SORCS1: variants seen among roughly 807,000 people sequenced by gnomAD.
SORCS1 encodes the protein sortilin related VPS10 domain containing receptor 1, also known as VPS10 domain-containing receptor SorCS1.
A neutral mutation model predicts 146.1 loss-of-function variants in SORCS1; 60 were observed. The ratio of observed to expected loss-of-function variants is 0.41; its 90% CI spans 0.33 to 0.51. The LOEUF (loss-of-function observed/expected upper bound fraction) is 0.51, where lower values mean the gene tolerates loss of function less well. Among genes scored for constraint, SORCS1 ranks in the 20% least tolerant of loss-of-function variants. The pLI, the probability that SORCS1 is intolerant of heterozygous loss-of-function variation, is 0.21. For missense variants in SORCS1, 1,352 were observed against 1,487.6 expected (o/e 0.91, Z 1.50); for synonymous variants, 637 against 584.0 (o/e 1.09, Z -1.31).
intron 1 of SORCS1, among the ~76,000 whole-genome samples, chr10:107,090,403 AAG>A (rs1964101195): frequency 6.6e-6 from 1 of 152,184 alleles, no homozygotes; most frequent in African/African-American, 2.4e-5. Context: ...TCCCTGTAGA[AAG>A]AGAGCACAGA....
Position 107,112,783 on chromosome 10 carries a change from C to CA in SORCS1, c.558+51185dup, listed in dbSNP as rs374147451. 1.5e-3 allele frequency among the ~76,000 whole-genome samples: 222 copies of CA among 152,012 alleles called. 2 individuals carry two copies. Among genetic ancestry groups the CA allele is most frequent in the African/African-American group, 5.1e-3 (211 of 41,480 alleles). On this transcript the variant is annotated intron_variant, in intron 1 of 25. Transcript: ENST00000263054. ...TTCAGTCAAAATCTGTTAGAAGAGA[C>CA]AAAAAAGGTAGCTACATGATGATAA...
At chr10:107,016,497 T>G (rs922731307) in intron 1 of SORCS1, among the ~76,000 whole-genome samples, 1 of 151,634 alleles carries the variant, frequency 6.6e-6, no homozygotes, top group African/African-American at 2.4e-5. Context: ...AGAACAAGAC[T>G]CTGTCTCAAA....
chr10:106,934,115 A>G (rs948319363), intron 2 of SORCS1, among the ~76,000 whole-genome samples: 11 of 151,778 alleles, frequency 7.2e-5, no homozygotes, highest in African/African-American at 1.7e-4. Flanking sequence ...AAAAAAAAAA[A>G]AAAGAAAGAA....
chr10:106,868,185 A>G (rs965433484), intron 2 of SORCS1, among the ~76,000 whole-genome samples: 1 of 152,226 alleles, frequency 6.6e-6, no homozygotes, highest in Non-Finnish European at 1.5e-5. Context: ...ACACAGGAGT[A>G]CCCAGATTTA....
At chr10:106,672,826 T>G (rs114682214) in intron 15 of SORCS1, 42 bp downstream of exon 15, 1 of 1,556,122 alleles carries the variant, frequency 6.4e-7, no homozygotes, top group Admixed American at 1.7e-5. Context: ...ACACCACTCA[T>G]GCTTCCTGCC....
At chr10:107,005,638 C>A (rs895965915) in intron 1 of SORCS1, among the ~76,000 whole-genome samples, 1 of 152,010 alleles carries the variant, frequency 6.6e-6, no homozygotes, top group African/African-American at 2.4e-5. Flanking sequence ...TAAAATTCTG[C>A]ACAATTTATT....
Position 106,730,139 on chromosome 10 carries a change from G to A in SORCS1, c.960-25C>T, listed in dbSNP as rs372406827. ...CCTAAAAAATGGAGAAACATGAAAAGAAACATCCATATTAATGACTTCACA... is the reference window on the plus strand; with the variant it reads ...CCTAAAAAATGGAGAAACATGAAAAAAAACATCCATATTAATGACTTCACA... On this transcript the variant is annotated intron_variant, in intron 5 of 25. Transcript: ENST00000263054. 3.3e-5 allele frequency: 53 copies of A among 1,612,758 alleles called. No individual in the cohort carries two copies. In the East Asian group the frequency reaches 5.1e-4, roughly 16 times the overall value.
intron 8 of SORCS1, among the ~76,000 whole-genome samples, chr10:106,702,137 G>C (rs1854181133): frequency 1.3e-5 from 2 of 152,188 alleles, no homozygotes; most frequent in Admixed American, 1.3e-4. Context: ...TTCTAATGGA[G>C]AGACTTGTCT....
intron 1 of SORCS1, among the ~76,000 whole-genome samples, chr10:107,027,045 T>C (rs985288054): frequency 6.8e-6 from 1 of 147,080 alleles, no homozygotes; most frequent in African/African-American, 2.5e-5. Flanking sequence ...AAAATATATA[T>C]ATAAATATAT....
intron 1 of SORCS1, among the ~76,000 whole-genome samples, chr10:107,002,225 C>A (rs1589897583): frequency 6.6e-6 from 1 of 152,156 alleles, no homozygotes; most frequent in Non-Finnish European, 1.5e-5. Context: ...AGTAATAAAG[C>A]CATGATTCAA....
At position 106,672,771 on chromosome 10, in the gene SORCS1, C is replaced by G. The variant is rs552842095; in HGVS notation, c.2058+97G>C. ...GAAAACAGTAGATGGACATTTTGGC[C>G]TAGAGCATCCTAGTTCCTATACCTT... is the stretch of plus-strand genomic sequence containing the variant. On this transcript the variant is annotated intron_variant, in intron 15 of 25. Transcript: ENST00000263054. 4.3e-5 allele frequency: 42 copies of G among 966,714 alleles called. No homozygotes were observed. The African/African-American group carries it at 5.0e-4, about 12-fold the overall frequency. The allele number at this position is 966,714 out of a possible 1,614,324, so 59.9% of individuals were successfully genotyped here.
At chr10:106,982,118 T>G (rs1299293436) in intron 1 of SORCS1, among the ~76,000 whole-genome samples, 1 of 152,194 alleles carries the variant, frequency 6.6e-6, no homozygotes, top group Non-Finnish European at 1.5e-5. Context: ...TTTAAAAAAT[T>G]GGAACGTAGT....
intron 2 of SORCS1, among the ~76,000 whole-genome samples, chr10:106,878,298 C>G (rs1285348685): frequency 1.3e-5 from 2 of 151,604 alleles, no homozygotes; most frequent in Non-Finnish European, 2.9e-5. Flanking sequence ...TCGGGATATA[C>G]ATACTGCAGG....
intron 1 of SORCS1, among the ~76,000 whole-genome samples, chr10:106,970,676 C>T (rs1350969762): frequency 1.3e-5 from 2 of 151,920 alleles, no homozygotes; most frequent in African/African-American, 2.4e-5. Flanking sequence ...CCCATCTAAC[C>T]TCACCTCAAC....
At chr10:106,725,895 C>T (rs1334404040) in intron 6 of SORCS1, among the ~76,000 whole-genome samples, 1 of 146,354 alleles carries the variant, frequency 6.8e-6, no homozygotes, top group Non-Finnish European at 1.5e-5. Context: ...GGTGCCAGTG[C>T]ACTCCAGACT....
intron 1 of SORCS1, among the ~76,000 whole-genome samples, chr10:106,997,445 T>C (rs1957045371): frequency 6.6e-6 from 1 of 152,214 alleles, no homozygotes; most frequent in African/African-American, 2.4e-5. Flanking sequence ...TGGACTATAC[T>C]AAATTACTTA....
chr10:106,888,367 AT>A (rs900106459), intron 2 of SORCS1, among the ~76,000 whole-genome samples: 1 of 152,094 alleles, frequency 6.6e-6, no homozygotes, highest in Non-Finnish European at 1.5e-5. Context: ...TGCCTTTAAC[AT>A]TTTTTTCATG....
At chr10:106,668,436 A>G (rs747821633) in intron 16 of SORCS1, among the ~76,000 whole-genome samples, 1 of 152,224 alleles carries the variant, frequency 6.6e-6, no homozygotes, top group Admixed American at 6.5e-5. Flanking sequence ...CTTCGGAAAT[A>G]GCCAAAGACT....
rs1464308278 is a variant in SORCS1 at position 106,577,283 on chromosome 10, T to A, written c.*137A>T. ...TGATTCTCAGCAACTATGGAAATAC[T>A]TCCTGGCAAAATAGGAAACAGAACA... On this transcript the variant is annotated 3_prime_UTR_variant, in exon 26 of 26. Coordinates refer to ENST00000263054, the MANE Select transcript of SORCS1 (RefSeq NM_052918.5). 1 of 1,607,380 alleles carries A rather than the reference T, an allele frequency of 6.2e-7. No individual in the cohort carries two copies. Among genetic ancestry groups the A allele is most frequent in the East Asian group, 2.2e-5 (1 of 44,584 alleles).
Sources: allele counts gnomAD v4.1 joint callset (sites outside exome capture counted in the v4.1 genomes callset), GRCh38; gene constraint gnomAD v4.1.1; transcripts MANE v1.5; gene names NCBI Gene and HGNC (gene_info 2026-07-23, HGNC 2026-07-21).